Variants in MARCHF1 observed in about 807,000 individuals in gnomAD.
The protein encoded by MARCHF1 is E3 ubiquitin-protein ligase MARCHF1.
Under a neutral mutation model 54.2 loss-of-function variants are expected in MARCHF1, and 40 were observed. The observed-to-expected ratio is 0.74, with a 90% CI of 0.57 to 0.96. MARCHF1 has a LOEUF of 0.96. Ranked by LOEUF, MARCHF1 falls within the 40% of genes least tolerant of loss-of-function variation. MARCHF1 has a pLI of 0.00. For missense variants in MARCHF1, 586 were observed against 656.5 expected, an observed-to-expected ratio of 0.89 and a Z score of 1.17; for synonymous variants, 236 against 236.3, an observed-to-expected ratio of 1.00 and a Z score of 0.01.
At chr4:163,950,442 C>T (rs1752112234) in intron 3 of MARCHF1, among the ~76,000 whole-genome samples, 1 of 152,212 alleles carries the variant, frequency 6.6e-6, no homozygotes, top group South Asian at 2.1e-4. Flanking sequence ...AGAGGCCAGG[C>T]ATCAGGAGCA....
chr4:163,919,693 G>A (rs1465632079), intron 3 of MARCHF1, among the ~76,000 whole-genome samples: 1 of 152,004 alleles, frequency 6.6e-6, no homozygotes, highest in East Asian at 1.9e-4. Flanking sequence ...TACAAACTCT[G>A]TTATCTCAAT....
At chr4:163,896,586 C>G (rs1750811425) in intron 3 of MARCHF1, among the ~76,000 whole-genome samples, 1 of 152,184 alleles carries the variant, frequency 6.6e-6, no homozygotes, top group Non-Finnish European at 1.5e-5. Context: ...TATGACTTCT[C>G]ACCTGGACTT....
chr4:163,985,441 T>C (rs1004722112), intron 3 of MARCHF1, among the ~76,000 whole-genome samples: 2 of 152,208 alleles, frequency 1.3e-5, no homozygotes, highest in African/African-American at 4.8e-5. Context: ...GCATACAAAA[T>C]ATGTCAAAAT....
At chr4:163,889,357 GT>G (rs939320641) in intron 3 of MARCHF1, among the ~76,000 whole-genome samples, 1 of 152,102 alleles carries the variant, frequency 6.6e-6, no homozygotes, top group Non-Finnish European at 1.5e-5. Flanking sequence ...ACAAGTCATA[GT>G]CCTGGAGCCA....
intron 3 of MARCHF1, among the ~76,000 whole-genome samples, chr4:163,978,145 T>A (rs1207170696): frequency 6.6e-6 from 1 of 152,202 alleles, no homozygotes; most frequent in African/African-American, 2.4e-5. Context: ...ATTTCACTTA[T>A]CTAAGGCAAA....
intron 4 of MARCHF1, among the ~76,000 whole-genome samples, chr4:163,834,302 T>A (rs2111108149): frequency 6.6e-6 from 1 of 152,032 alleles, no homozygotes; most frequent in African/African-American, 2.4e-5. Flanking sequence ...CATTACTAAC[T>A]GAGAAATTGT....
At chr4:163,961,557 T>TACCCTTCTCCACGA in intron 3 of MARCHF1, among the ~76,000 whole-genome samples, 1 of 152,012 alleles carries the variant, frequency 6.6e-6, no homozygotes, top group East Asian at 1.9e-4. Flanking sequence ...CCTTTTCACG[T>TACCCTTCTCCACGA]GCTACCCTTC....
intron 1 of MARCHF1, among the ~76,000 whole-genome samples, chr4:164,142,301 A>C (rs2321367): frequency 2.6e-5 from 4 of 151,932 alleles, no homozygotes; most frequent in East Asian, 1.9e-4. Flanking sequence ...CTGGAAGCTC[A>C]AACTGGGTGG....
chr4:164,232,053 A>G (rs576539690), intron 1 of MARCHF1, among the ~76,000 whole-genome samples: 1 of 152,304 alleles, frequency 6.6e-6, no homozygotes, highest in Admixed American at 6.5e-5. Flanking sequence ...TTTCATTTGC[A>G]TACAATCTTT....
At position 163,910,476 on chromosome 4, in the gene MARCHF1, C is replaced by A. The variant is rs572334365; in HGVS notation, c.-38-56307G>T. The stretch of plus-strand genomic sequence containing the variant: ...GTGACCCCAGTTTTTCTAAGCTTCC[C>A]AAATAGCAATCTTTTGTTGTTGTTG... On this transcript the variant is annotated intron_variant, in intron 3 of 9. Coordinates refer to ENST00000514618, the MANE Select transcript of MARCHF1 (RefSeq NM_001394959.1). Among the ~76,000 whole-genome samples the A allele has an allele frequency of 1.3e-3, 198 of 150,990 alleles. 1 individual carries two copies. Among genetic ancestry groups the A allele is most frequent in the Admixed American group, 7.0e-3 (107 of 15,242 alleles).
chr4:163,996,438 C>T (rs558097264), intron 2 of MARCHF1, among the ~76,000 whole-genome samples: 10 of 152,090 alleles, frequency 6.6e-5, no homozygotes, highest in East Asian at 5.8e-4. Flanking sequence ...AGCAGACTTA[C>T]GAAATTTGGT....
At chr4:163,758,394 T>G (rs945906264) in intron 4 of MARCHF1, among the ~76,000 whole-genome samples, 2 of 152,200 alleles carry the variant, frequency 1.3e-5, no homozygotes, top group African/African-American at 4.8e-5. Flanking sequence ...CCAGATCCAG[T>G]TCAACCAAGG....
intron 3 of MARCHF1, among the ~76,000 whole-genome samples, chr4:163,875,567 C>T (rs1045422763): frequency 1.3e-5 from 2 of 152,086 alleles, no homozygotes; most frequent in Non-Finnish European, 2.9e-5. Flanking sequence ...GAATGGAAAG[C>T]GGTCTCATGA....
chr4:163,873,650 C>A (rs1213752834), intron 3 of MARCHF1, among the ~76,000 whole-genome samples: 1 of 151,938 alleles, frequency 6.6e-6, no homozygotes, highest in East Asian at 1.9e-4. Context: ...AGATTAATGC[C>A]CAGTGTGGAA....
rs1432826391 is a variant in MARCHF1, at chr4:163,932,568, T to G, written c.-39+55933A>C. The G allele has an allele frequency of 3.0e-5, 11 of 367,672 alleles. No homozygotes were observed. The East Asian group carries it at 7.2e-4, about 24-fold the overall frequency. The allele number at this position is 367,672 out of a possible 1,614,324, so 22.8% of individuals were successfully genotyped here. On this transcript the variant is annotated intron_variant, in intron 3 of 9. Coordinates refer to ENST00000514618, the MANE Select transcript of MARCHF1 (RefSeq NM_001394959.1). ...GATCCAGAAGGCTAAGCTAGCTGAG[T>G]GCTATGATGACATGGGTACCTGCAT...
At chr4:164,074,696 G>A (rs1754940405) in intron 2 of MARCHF1, among the ~76,000 whole-genome samples, 1 of 151,942 alleles carries the variant, frequency 6.6e-6, no homozygotes, top group African/African-American at 2.4e-5. Context: ...GTTATGTTTT[G>A]AAAAGAAATG....
intron 1 of MARCHF1, among the ~76,000 whole-genome samples, chr4:164,272,910 T>C (rs558328598): frequency 7.9e-5 from 12 of 152,174 alleles, no homozygotes; most frequent in South Asian, 2.1e-4. Flanking sequence ...GTATATTACA[T>C]AGCTATTTTC....
At chr4:163,605,725 C>T (rs1488311780) in intron 7 of MARCHF1, among the ~76,000 whole-genome samples, 1 of 152,048 alleles carries the variant, frequency 6.6e-6, no homozygotes, top group Non-Finnish European at 1.5e-5. Flanking sequence ...ATTATGCAGC[C>T]ATAAAAAAGG....
intron 9 of MARCHF1, chr4:163,529,772 T>C (rs1738281165): frequency 1.3e-5 from 2 of 152,122 alleles, no homozygotes; most frequent in Admixed American, 1.3e-4. Flanking sequence ...AAAAATTATT[T>C]CACAGGCATT....
Sources: allele counts gnomAD v4.1 joint callset (sites outside exome capture counted in the v4.1 genomes callset), GRCh38; gene constraint gnomAD v4.1.1; transcripts MANE v1.5; gene names NCBI Gene and HGNC (gene_info 2026-07-23, HGNC 2026-07-21).